SLC11A2: variants seen among roughly 807,000 people sequenced by gnomAD.
SLC11A2 encodes natural resistance-associated macrophage protein 2.
A neutral mutation model predicts 68.0 loss-of-function variants in SLC11A2; 38 were observed. The observed-to-expected ratio is 0.56, with a 90% confidence interval of 0.43 to 0.73. SLC11A2 has a LOEUF of 0.73. SLC11A2 is among the 30% of genes least tolerant of loss of function. The probability of loss-of-function intolerance (pLI) is 0.00; values close to 1 mark genes in which losing one functional copy is unlikely to be tolerated. For synonymous variants in SLC11A2, 242 were observed against 250.6 expected (o/e 0.97, Z 0.32); for missense variants, 517 against 690.5 (o/e 0.75, Z 2.82).
At chr12:50,985,950 A>G, downstream of SLC11A2, 1 of 1,144,118 alleles carries the variant, frequency 8.7e-7, no homozygotes. Flanking sequence ...TAACCCTATT[A>G]ATAAATTATT....
chr12:50,957,983 T>TGTA, the SLC11A2 span, among the ~76,000 whole-genome samples: 1 of 140,264 alleles, frequency 7.1e-6, no homozygotes, highest in Non-Finnish European at 1.6e-5. Context: ...TGTGTGTGTG[T>TGTA]GTAGTAGAGG....
At chr12:51,002,426 G>A (rs1201157915) in intron 5 of SLC11A2, among the ~76,000 whole-genome samples, 2 of 151,770 alleles carry the variant, frequency 1.3e-5, no homozygotes, top group African/African-American at 4.8e-5. Flanking sequence ...ATCACTTGAG[G>A]TCTGGAGTTT....
At chr12:51,006,445 T>C (rs1942742135) in intron 3 of SLC11A2, among the ~76,000 whole-genome samples, 1 of 152,186 alleles carries the variant, frequency 6.6e-6, no homozygotes, top group African/African-American at 2.4e-5. Flanking sequence ...GAAATCAAAG[T>C]ATTTTACTCC....
chr12:50,958,493 G>A, the SLC11A2 span, among the ~76,000 whole-genome samples: 2 of 150,746 alleles, frequency 1.3e-5, no homozygotes, highest in Non-Finnish European at 3.0e-5. Context: ...GTGTTAGCCA[G>A]GATGGTCTTC....
intron 11 of SLC11A2, 48 bp downstream of exon 11, chr12:50,994,496 T>G (rs761377089): frequency 2.2e-5 from 27 of 1,235,224 alleles, no homozygotes; most frequent in Middle Eastern, 3.7e-4. Flanking sequence ...CATACTATGC[T>G]AAAAATACTG....
the SLC11A2 span, among the ~76,000 whole-genome samples, chr12:50,973,235 AC>A: frequency 1.3e-5 from 2 of 151,868 alleles, no homozygotes; most frequent in Non-Finnish European, 2.9e-5. Flanking sequence ...ACTGGGAGGC[AC>A]CCCCCAGTAG....
chr12:50,962,256 C>A, the SLC11A2 span, among the ~76,000 whole-genome samples: 81 of 141,804 alleles, frequency 5.7e-4, no homozygotes, highest in African/African-American at 2.0e-3. Context: ...CACACACACA[C>A]AAAATAGCTG....
chr12:50,968,593 A>G, the SLC11A2 span, among the ~76,000 whole-genome samples: 1 of 152,022 alleles, frequency 6.6e-6, no homozygotes, highest in Non-Finnish European at 1.5e-5. Context: ...TCTGTTGCCC[A>G]GGCTGGAGTG....
downstream of SLC11A2, among the ~76,000 whole-genome samples, chr12:50,982,660 C>T (rs1592287880): frequency 6.6e-6 from 1 of 151,928 alleles, no homozygotes; most frequent in South Asian, 2.1e-4. Context: ...AAAAACAATT[C>T]CGACTGGGCA....
intron 5 of SLC11A2, chr12:51,000,708 C>T (rs1942128610): frequency 3.4e-6 from 2 of 584,670 alleles, no homozygotes; most frequent in African/African-American, 3.7e-5. Context: ...AATATAATTG[C>T]CATTTACTAA....
the SLC11A2 span, among the ~76,000 whole-genome samples, chr12:50,957,005 GT>G: frequency 2.0e-5 from 3 of 148,504 alleles, no homozygotes; most frequent in African/African-American, 5.0e-5. Flanking sequence ...TTTTTTTGCT[GT>G]TTTTATGTCT....
intron 6 of SLC11A2, 110 bp downstream of exon 6, chr12:51,000,203 A>G: frequency 1.3e-6 from 1 of 788,572 alleles, no homozygotes; most frequent in South Asian, 1.4e-5. Context: ...CACAGAAGAA[A>G]TAACAATTGA....
chr12:51,023,433 C>A (rs773322628), intron 1 of SLC11A2, among the ~76,000 whole-genome samples: 1 of 152,110 alleles, frequency 6.6e-6, no homozygotes, highest in Non-Finnish European at 1.5e-5. Context: ...GGCAAGAGAG[C>A]GAGACCCTGT....
At chr12:51,027,915 A>AGG (rs751085957), upstream of SLC11A2, among the ~76,000 whole-genome samples, 1 of 136,422 alleles carries the variant, frequency 7.3e-6, no homozygotes, top group Non-Finnish European at 1.5e-5. Flanking sequence ...ACCAAAAAAA[A>AGG]GTGGGGGGGG....
chr12:50,986,674 G>C lies in SLC11A2; in HGVS notation c.*1651C>G. 1 of 1,286,728 alleles carries C rather than the reference G, an allele frequency of 7.8e-7. No homozygotes were observed. Among genetic ancestry groups the C allele is most frequent in the Non-Finnish European group, 1.0e-6 (1 of 988,362 alleles). 79.7% of individuals were successfully genotyped at this position (1,286,728 alleles called of 1,614,324 possible). A position where few individuals can be genotyped will look rare whatever the true frequency, so the allele number is the denominator to read the frequency against. ...ACAGAGTGCCTTTATGACCAGTTTG[G>C]AGAATTACGATGGTAAGGGGAAGAG... On this transcript the variant is annotated 3_prime_UTR_variant, in exon 16 of 16. Coordinates refer to ENST00000262052, the MANE Select transcript of SLC11A2 (RefSeq NM_000617.3).
At chr12:50,962,264 C>A in the SLC11A2 span, among the ~76,000 whole-genome samples, 7 of 150,532 alleles carry the variant, frequency 4.7e-5, no homozygotes, top group Non-Finnish European at 7.4e-5. Context: ...CACAAAATAG[C>A]TGGGTGTGGT....
chr12:51,020,021 C>G (rs1234326921), intron 1 of SLC11A2, among the ~76,000 whole-genome samples: 1 of 152,110 alleles, frequency 6.6e-6, no homozygotes, highest in Non-Finnish European at 1.5e-5. Flanking sequence ...ATGTGAATTT[C>G]CAAATTGTTC....
At chr12:50,977,474 A>G (rs1459188942), downstream of SLC11A2, among the ~76,000 whole-genome samples, 1 of 152,220 alleles carries the variant, frequency 6.6e-6, no homozygotes, top group African/African-American at 2.4e-5. Context: ...TCCCTTCCTT[A>G]CACCTTATAC....
chr12:50,997,502 G>C (rs1307165668), intron 8 of SLC11A2, among the ~76,000 whole-genome samples: 1 of 151,916 alleles, frequency 6.6e-6, no homozygotes, highest in Non-Finnish European at 1.5e-5. Flanking sequence ...AGGAGTTCAA[G>C]AGCAGCCTGA....
Sources: gnomAD v4.1 joint callset for allele counts (sites outside exome capture counted in the v4.1 genomes callset) on GRCh38, gnomAD v4.1.1 for gene constraint, MANE v1.5 for transcripts, NCBI Gene and HGNC (gene_info 2026-07-23, HGNC 2026-07-21) for gene names.